The following MCUR1 variants were observed in gnomAD, a reference collection of about 807,000 sequenced individuals.
MCUR1 encodes the protein mitochondrial calcium uniporter regulator 1.
In MCUR1, 37 loss-of-function variants were observed where a neutral mutation model predicts 42.0. The observed-to-expected ratio is 0.88, with a 90% CI of 0.68 to 1.16. The LOEUF (loss-of-function observed/expected upper bound fraction) is 1.16, where lower values mean the gene tolerates loss of function less well. Among genes scored for constraint, MCUR1 ranks in the 50% most tolerant of loss-of-function variants. MCUR1 has a pLI of 0.00. For missense variants in MCUR1, 469 were observed against 468.4 expected, an observed-to-expected ratio of 1.00 and a Z score of -0.01; for synonymous variants, 229 against 196.2, an observed-to-expected ratio of 1.17 and a Z score of -1.40.
At chr6:13,796,198 TTA>T (rs1217143306) in intron 6 of MCUR1, among the ~76,000 whole-genome samples, 2 of 152,216 alleles carry the variant, frequency 1.3e-5, no homozygotes, top group African/African-American at 2.4e-5. Flanking sequence ...TTTACTTTTC[TTA>T]TAAGAACACT....
chr6:13,790,464 G>GTT lies in MCUR1; in HGVS notation c.*343_*344dup, dbSNP rs572005349. On this transcript the variant is annotated 3_prime_UTR_variant, in exon 9 of 9. Transcript: ENST00000379170. ...AAAAGGACAACAATCTGGTATTCCG[G>GTT]TTTTTTTTTTTTTTTTGAGACGGAG... 0.011 allele frequency: 1,548 copies of GTT among 142,640 alleles called. 28 individuals are homozygous for GTT. Among genetic ancestry groups the GTT allele is most frequent in the African/African-American group, 0.037 (1,434 of 39,058 alleles). 8.8% of individuals were successfully genotyped at this position (142,640 alleles called of 1,614,324 possible).
intron 6 of MCUR1, among the ~76,000 whole-genome samples, chr6:13,794,556 T>G (rs538276423): frequency 3.6e-4 from 54 of 152,020 alleles, no homozygotes; most frequent in Non-Finnish European, 6.8e-4. Flanking sequence ...TGCCAAGGAT[T>G]ATTATTCTAT....
chr6:13,802,954 A>G (rs1025886955), intron 2 of MCUR1, among the ~76,000 whole-genome samples: 2 of 152,220 alleles, frequency 1.3e-5, no homozygotes, highest in Non-Finnish European at 2.9e-5. Flanking sequence ...TTTTTCCTCC[A>G]CAATTCTCTT....
chr6:13,809,667 G>C (rs931519016), intron 1 of MCUR1, among the ~76,000 whole-genome samples: 3 of 150,682 alleles, frequency 2.0e-5, no homozygotes, highest in African/African-American at 7.3e-5. Flanking sequence ...GCCAAGGTGG[G>C]AAGATCACTT....
intron 4 of MCUR1, 29 bp from the exon 5 acceptor site, chr6:13,800,411 G>A: frequency 7.8e-7 from 1 of 1,286,858 alleles, no homozygotes; most frequent in Non-Finnish European, 1.1e-6. Flanking sequence ...AAAGTCATTA[G>A]AAAGAACAAC....
rs2113448771 is a variant in MCUR1, at chr6:13,789,528, C to T, written c.*1281G>A. 6.6e-6 allele frequency: 1 copy of T among 152,260 alleles called. No homozygotes were observed. Among genetic ancestry groups the T allele is most frequent in the East Asian group, 1.9e-4 (1 of 5,180 alleles). 9.4% of individuals were successfully genotyped at this position (152,260 alleles called of 1,614,324 possible). The stretch of plus-strand genomic sequence containing the variant: ...GAATTAATCCATCTAGATTAGAATG[C>T]TGTGTGGCATGACCATTCTCGAATT... On this transcript the variant is annotated 3_prime_UTR_variant, in exon 9 of 9. Transcript: ENST00000379170.
In MCUR1 at chr6:13,814,141, G is replaced by A. The variant is rs1486055889; in HGVS notation, c.289C>T (p.Leu97Phe). ...RQLGDWERSR[L>F]GYAAPPAGRS... is the part of the protein sequence containing the mutation. The stretch of plus-strand genomic sequence containing the variant: ...CCGGCCGGGGGTGCGGCATACCCGA[G>A]GCGCGAGCGCTCCCAGTCCCCGAGC... Residue 97 changes from leucine (L) to phenylalanine (F), a missense_variant, in exon 1 of 9, where the codon CTC (leucine) becomes TTC (phenylalanine). Coordinates refer to ENST00000379170, the MANE Select transcript of MCUR1 (RefSeq NM_001031713.4). 12 of 1,306,760 alleles carry A rather than the reference G, an allele frequency of 9.2e-6. No individual in the cohort carries two copies. The highest frequency in any genetic ancestry group is 6.9e-5 in the South Asian group (3 of 43,672). 80.9% of individuals were successfully genotyped at this position (1,306,760 alleles called of 1,614,324 possible).
At chr6:13,797,415 A>G (rs1170932273) in intron 6 of MCUR1, among the ~76,000 whole-genome samples, 1 of 152,138 alleles carries the variant, frequency 6.6e-6, no homozygotes, top group East Asian at 1.9e-4. Flanking sequence ...TATCTTTATT[A>G]AAACACACTT....
At chr6:13,794,657 G>C (rs1450754441) in intron 6 of MCUR1, among the ~76,000 whole-genome samples, 1 of 128,768 alleles carries the variant, frequency 7.8e-6, no homozygotes, top group Non-Finnish European at 1.6e-5. Context: ...TTTTTGGCTT[G>C]GTTTTTTGTT....
intron 2 of MCUR1, among the ~76,000 whole-genome samples, 155 bp from the exon 3 acceptor site, chr6:13,802,501 C>T (rs1028722977): frequency 3.3e-5 from 5 of 152,136 alleles, no homozygotes; most frequent in African/African-American, 1.2e-4. Flanking sequence ...CTATGACGTG[C>T]CGGTCACTCA....
At chr6:13,793,790 A>T (rs1207738352) in intron 7 of MCUR1, 104 bp downstream of exon 7, 1 of 984,116 alleles carries the variant, frequency 1.0e-6, no homozygotes, top group Non-Finnish European at 1.6e-6. Context: ...TTCCCATGAC[A>T]GTAAACCTGC....
At position 13,814,472 on chromosome 6, in the gene MCUR1, G is replaced by A. The variant is rs775550853; in HGVS notation, c.-43C>T. ...GCCCGGGCGCGCGCTCATGCCTCTC[G>A]CTTTTGGCGCCGGCCACGCGCGGTC... On this transcript the variant is annotated 5_prime_UTR_variant, in exon 1 of 9. Coordinates refer to ENST00000379170, the MANE Select transcript of MCUR1 (RefSeq NM_001031713.4). 1.4e-5 allele frequency: 20 copies of A among 1,438,396 alleles called. No individual in the cohort carries two copies. The African/African-American group carries it at 2.4e-4, about 17-fold the overall frequency. 89.1% of individuals were successfully genotyped at this position (1,438,396 alleles called of 1,614,324 possible). A position where few individuals can be genotyped will look rare whatever the true frequency, so the allele number is the denominator to read the frequency against.
At chr6:13,806,851 A>G in intron 2 of MCUR1, 74 bp downstream of exon 2, 1 of 1,434,844 alleles carries the variant, frequency 7.0e-7, no homozygotes, top group Non-Finnish European at 9.4e-7. Flanking sequence ...ATGAGAAATT[A>G]AATGAAACCA....
At chr6:13,800,528 A>G in intron 4 of MCUR1, 146 bp from the exon 5 acceptor site, 1 of 562,484 alleles carries the variant, frequency 1.8e-6, no homozygotes, top group Non-Finnish European at 3.2e-6. Flanking sequence ...GCATTACAAC[A>G]CACGTATCTT....
Position 13,787,290 on chromosome 6 carries a change from T to G in MCUR1, c.*3519A>C, listed in dbSNP as rs1759624399. On this transcript the variant is annotated 3_prime_UTR_variant, in exon 9 of 9. Coordinates refer to ENST00000379170, the MANE Select transcript of MCUR1 (RefSeq NM_001031713.4). The stretch of plus-strand genomic sequence containing the variant: ...GCTCAGGGTTTCTGTTTTTCAAGTG[T>G]TCAGAGACGAATTCCAGCAAGACTT... The G allele has an allele frequency of 1.3e-5, 2 of 152,178 alleles. No homozygotes were observed. The highest frequency in any genetic ancestry group is 4.1e-4 in the South Asian group (2 of 4,832). The allele number at this position is 152,178 out of a possible 1,614,324, so 9.4% of individuals were successfully genotyped here. A position where few individuals can be genotyped will look rare whatever the true frequency, so the allele number is the denominator to read the frequency against.
chr6:13,790,044 A>G lies in MCUR1; in HGVS notation c.*765T>C, dbSNP rs980900321. The G allele has an allele frequency of 6.6e-6, 1 of 152,246 alleles. No individual in the cohort carries two copies. Among genetic ancestry groups the G allele is most frequent in the Non-Finnish European group, 1.5e-5 (1 of 68,042 alleles). The allele number at this position is 152,246 out of a possible 1,614,324, so 9.4% of individuals were successfully genotyped here. The stretch of plus-strand genomic sequence containing the variant: ...TACAGCTGAAACAATACTATGGTAC[A>G]GGGACTAGCTCATGTTAAAGACTGG... On this transcript the variant is annotated 3_prime_UTR_variant, in exon 9 of 9. Coordinates refer to ENST00000379170, the MANE Select transcript of MCUR1 (RefSeq NM_001031713.4).
At chr6:13,798,609 C>A (rs148699245) in intron 6 of MCUR1, among the ~76,000 whole-genome samples, 2,904 of 152,098 alleles carry the variant, frequency 0.019, 51 homozygotes, top group Non-Finnish European at 0.026. Flanking sequence ...AACAAATATT[C>A]AAACTGACTA....
chr6:13,801,491 G>A, intron 3 of MCUR1, 102 bp from the exon 4 acceptor site: 1 of 784,228 alleles, frequency 1.3e-6, no homozygotes, highest in Non-Finnish European at 2.1e-6. Flanking sequence ...AGGACAATGT[G>A]GACACAAAAA....
intron 1 of MCUR1, 103 bp downstream of exon 1, chr6:13,813,912 C>A: frequency 8.5e-7 from 1 of 1,182,280 alleles, no homozygotes; most frequent in Non-Finnish European, 1.1e-6. Context: ...GACCCGCCCT[C>A]CGGCCTGCCG....
Sources: gnomAD v4.1 joint callset for allele counts (sites outside exome capture counted in the v4.1 genomes callset) on GRCh38, gnomAD v4.1.1 for gene constraint, MANE v1.5 for transcripts, NCBI Gene and HGNC (gene_info 2026-07-23, HGNC 2026-07-21) for gene names.